The following AP2B1 variants were observed in gnomAD, a reference collection of about 807,000 sequenced individuals.
AP2B1 encodes the protein AP-2 complex subunit beta.
Under a neutral mutation model 102.0 loss-of-function variants are expected in AP2B1, and 23 were observed. The ratio of observed to expected loss-of-function variants is 0.23; its 90% CI spans 0.16 to 0.32. The LOEUF (loss-of-function observed/expected upper bound fraction) is 0.32, where lower values mean the gene tolerates loss of function less well. Among genes scored for constraint, AP2B1 ranks in the 10% least tolerant of loss-of-function variants. The pLI is 1.00. For synonymous variants in AP2B1, 381 were observed against 421.2 expected (o/e 0.90, Z 1.17); for missense variants, 541 against 1,157.4 (o/e 0.47, Z 7.73).
intron 18 of AP2B1, among the ~76,000 whole-genome samples, chr17:35,689,035 A>G (rs1189679962): frequency 1.3e-5 from 2 of 152,230 alleles, no homozygotes; most frequent in Non-Finnish European, 2.9e-5. Flanking sequence ...ACAGAATAGT[A>G]TAACGAGCCC....
intron 9 of AP2B1, 139 bp downstream of exon 9, chr17:35,627,865 A>G: frequency 1.2e-5 from 8 of 677,926 alleles, no homozygotes; most frequent in Non-Finnish European, 1.9e-5. Context: ...AATGGAAAGC[A>G]GCTGTCTCTG....
chr17:35,658,560 T>A (rs1405257661), intron 14 of AP2B1, among the ~76,000 whole-genome samples: 47 of 152,176 alleles, frequency 3.1e-4, no homozygotes, highest in Non-Finnish European at 5.9e-5. Context: ...AACAAGTCTA[T>A]TACAAGACTG....
chr17:35,590,716 G>A (rs985517776), intron 1 of AP2B1, among the ~76,000 whole-genome samples: 11 of 152,126 alleles, frequency 7.2e-5, no homozygotes, highest in Non-Finnish European at 8.8e-5. Context: ...AATTTTGTGG[G>A]TGGGTGCATT....
chr17:35,623,931 C>G (rs1159071378), intron 5 of AP2B1, among the ~76,000 whole-genome samples: 1 of 152,172 alleles, frequency 6.6e-6, no homozygotes, highest in Non-Finnish European at 1.5e-5. Context: ...CCCACATATT[C>G]TCACTCTAAG....
intron 20 of AP2B1, among the ~76,000 whole-genome samples, chr17:35,713,292 C>T (rs1450101507): frequency 6.6e-6 from 1 of 152,178 alleles, no homozygotes; most frequent in Non-Finnish European, 1.5e-5. Context: ...GGCCATGCCG[C>T]ACATGAAACA....
At chr17:35,606,843 A>T (rs377733521) in intron 4 of AP2B1, among the ~76,000 whole-genome samples, 1 of 152,186 alleles carries the variant, frequency 6.6e-6, no homozygotes, top group Non-Finnish European at 1.5e-5. Flanking sequence ...TTATTATTGA[A>T]TATCCAGTCA....
chr17:35,715,171 G>A (rs4795086), intron 20 of AP2B1, among the ~76,000 whole-genome samples: 20,597 of 152,182 alleles, frequency 0.14, 1,737 homozygotes, highest in South Asian at 0.25. Context: ...TCACAGTACA[G>A]TCATTCATTA....
intron 1 of AP2B1, among the ~76,000 whole-genome samples, chr17:35,591,416 G>A (rs556778350): frequency 3.9e-5 from 6 of 152,132 alleles, no homozygotes; most frequent in South Asian, 4.1e-4. Context: ...CAAGCCATCC[G>A]CACGCCTCGT....
At chr17:35,660,608 G>A (rs1189167213) in intron 14 of AP2B1, among the ~76,000 whole-genome samples, 3 of 150,276 alleles carry the variant, frequency 2.0e-5, no homozygotes, top group African/African-American at 2.5e-5. Flanking sequence ...TCAGTCTTCC[G>A]AGTAGCTGGG....
chr17:35,676,004 C>T (rs1457595824), intron 17 of AP2B1, among the ~76,000 whole-genome samples: 2 of 152,150 alleles, frequency 1.3e-5, no homozygotes, highest in Non-Finnish European at 2.9e-5. Context: ...ATAGGTTCCT[C>T]CTCCTCCTCT....
intron 18 of AP2B1, among the ~76,000 whole-genome samples, chr17:35,696,614 A>G (rs954906110): frequency 1.3e-5 from 2 of 151,734 alleles, no homozygotes; most frequent in African/African-American, 4.8e-5. Context: ...GTCTCGAACA[A>G]CTAACCTCAA....
At chr17:35,626,486 A>G (rs1439247710) in intron 6 of AP2B1, 135 bp from the exon 7 acceptor site, 1 of 741,332 alleles carries the variant, frequency 1.3e-6, no homozygotes, top group Non-Finnish European at 2.2e-6. Context: ...TTACCTAAGC[A>G]TGGAGCTTTG....
intron 2 of AP2B1, among the ~76,000 whole-genome samples, chr17:35,597,976 T>C (rs1243738815): frequency 6.6e-6 from 1 of 152,220 alleles, no homozygotes; most frequent in African/African-American, 2.4e-5. Context: ...TTTTTCCCAC[T>C]CTTGTGGTTC....
intron 11 of AP2B1, among the ~76,000 whole-genome samples, chr17:35,641,453 C>G (rs996463228): frequency 1.3e-5 from 2 of 152,070 alleles, no homozygotes; most frequent in Non-Finnish European, 2.9e-5. Flanking sequence ...TGGCTTGCAC[C>G]TGTAGTCCCA....
chr17:35,602,688 C>T (rs2073529538), intron 3 of AP2B1, among the ~76,000 whole-genome samples: 1 of 152,112 alleles, frequency 6.6e-6, no homozygotes, highest in African/African-American at 2.4e-5. Context: ...GTGTGTGTTT[C>T]ACATTTACAT....
intron 3 of AP2B1, 115 bp from the exon 4 acceptor site, chr17:35,605,589 TG>T (rs2073647641): frequency 1.3e-6 from 1 of 762,788 alleles, no homozygotes. Flanking sequence ...GTTACCACTG[TG>T]GGGACATTTG....
At position 35,629,190 on chromosome 17, in the gene AP2B1, C is replaced by T. The variant is rs535830222; in HGVS notation, c.1155+1464C>T. ...CTTGAACTCCTAGCCTCAAGTGATC[C>T]GCCTGCCTCAGCCTCCCAAAGTGTT... On this transcript the variant is annotated intron_variant, in intron 9 of 21. Transcript: ENST00000610402. 7.9e-5 allele frequency among the ~76,000 whole-genome samples: 12 copies of T among 152,266 alleles called. No individual in the cohort carries two copies. The East Asian group carries it at 1.9e-3, about 24-fold the overall frequency.
At chr17:35,649,982 C>T (rs2075046211) in intron 12 of AP2B1, among the ~76,000 whole-genome samples, 1 of 152,056 alleles carries the variant, frequency 6.6e-6, no homozygotes, top group Non-Finnish European at 1.5e-5. Context: ...CAGAGTTTTA[C>T]TCTGTTGCCC....
At chr17:35,641,299 T>C (rs1253271161) in intron 11 of AP2B1, among the ~76,000 whole-genome samples, 1 of 152,114 alleles carries the variant, frequency 6.6e-6, no homozygotes, top group African/African-American at 2.4e-5. Flanking sequence ...CAAGCCAGGC[T>C]CGGTTACTCA....
Sources: gnomAD v4.1 joint callset for allele counts (sites outside exome capture counted in the v4.1 genomes callset) on GRCh38, gnomAD v4.1.1 for gene constraint, MANE v1.5 for transcripts, NCBI Gene and HGNC (gene_info 2026-07-23, HGNC 2026-07-21) for gene names.